The following ITPR1 variants were observed in gnomAD, a reference collection of about 807,000 sequenced individuals.
The protein encoded by ITPR1 is inositol 1,4,5-trisphosphate receptor type 1.
In ITPR1, 96 loss-of-function variants were observed where a neutral mutation model predicts 318.4. The ratio of observed to expected loss-of-function variants is 0.30; its 90% CI spans 0.26 to 0.36. The LOEUF (loss-of-function observed/expected upper bound fraction) is 0.36, where lower values mean the gene tolerates loss of function less well. Ranked by LOEUF, ITPR1 falls within the 10% of genes least tolerant of loss-of-function variation. ITPR1 has a pLI of 1.00. For synonymous variants in ITPR1, 1,312 were observed against 1,289.9 expected, an observed-to-expected ratio of 1.02 and a Z score of -0.37; for missense variants, 2,440 against 3,460.2, an observed-to-expected ratio of 0.71 and a Z score of 7.40.
intron 2 of ITPR1, among the ~76,000 whole-genome samples, chr3:4,512,476 C>G (rs1317072934): frequency 1.3e-5 from 2 of 152,106 alleles, no homozygotes; most frequent in Non-Finnish European, 2.9e-5. Context: ...GTGTAATTCG[C>G]TATTGTTCAC....
At chr3:4,762,191 C>T (rs1453581568) in intron 44 of ITPR1, among the ~76,000 whole-genome samples, 1 of 152,172 alleles carries the variant, frequency 6.6e-6, no homozygotes, top group Non-Finnish European at 1.5e-5. Context: ...TTCATTGAGA[C>T]AGAAGTCTCA....
At chr3:4,641,449 T>A (rs1419986300) in intron 6 of ITPR1, among the ~76,000 whole-genome samples, 1 of 152,210 alleles carries the variant, frequency 6.6e-6, no homozygotes, top group Non-Finnish European at 1.5e-5. Context: ...TGATTTCGGC[T>A]CACTGTAGCC....
chr3:4,520,879 A>G, intron 3 of ITPR1, 145 bp from the exon 4 acceptor site: 1 of 673,418 alleles, frequency 1.5e-6, no homozygotes, highest in Non-Finnish European at 2.7e-6. Context: ...ATGCATAGGA[A>G]GCCTCTAGTG....
chr3:4,734,754 A>G (rs905422340), intron 43 of ITPR1, among the ~76,000 whole-genome samples: 1 of 152,254 alleles, frequency 6.6e-6, no homozygotes, highest in Admixed American at 6.5e-5. Context: ...AAGGAGAGCT[A>G]AAGTGATCAT....
intron 4 of ITPR1, among the ~76,000 whole-genome samples, chr3:4,576,690 A>T (rs2125044673): frequency 6.6e-6 from 1 of 152,350 alleles, no homozygotes; most frequent in South Asian, 2.1e-4. Context: ...ATCTGTAGCT[A>T]ATGTTTTTAT....
chr3:4,705,551 T>A (rs914049614), intron 36 of ITPR1, among the ~76,000 whole-genome samples: 5 of 152,232 alleles, frequency 3.3e-5, no homozygotes, highest in African/African-American at 9.6e-5. Context: ...TCTCAGCCTT[T>A]CCTTGTTTCT....
intron 60 of ITPR1, among the ~76,000 whole-genome samples, chr3:4,827,687 GC>G: frequency 6.6e-6 from 1 of 152,146 alleles, no homozygotes; most frequent in Admixed American, 6.5e-5. Flanking sequence ...ATTCCAATAA[GC>G]AACATTCAGA....
chr3:4,759,125 C>T (rs1039059971), intron 44 of ITPR1, among the ~76,000 whole-genome samples: 8 of 152,186 alleles, frequency 5.3e-5, no homozygotes, highest in South Asian at 2.1e-4. Flanking sequence ...CTGCTGTCAC[C>T]GAGGTGGCCG....
At position 4,674,183 on chromosome 3, in the gene ITPR1, C is replaced by A. The variant is rs1259975522; in HGVS notation, c.2457-19C>A. 2.0e-6 allele frequency: 3 copies of A among 1,529,362 alleles called. No homozygotes were observed. The highest frequency in any genetic ancestry group is 2.6e-6 in the Non-Finnish European group (3 of 1,140,964). 94.7% of individuals were successfully genotyped at this position (1,529,362 alleles called of 1,614,324 possible). A position where few individuals can be genotyped will look rare whatever the true frequency, so the allele number is the denominator to read the frequency against. ...AATAACTTGAAATTTTGTTTCCTTT[C>A]TTTCTCCTTTCTTTTCAGCTATGAT... On this transcript the variant is annotated intron_variant, in intron 21 of 61. Coordinates refer to ENST00000649015, the MANE Select transcript of ITPR1 (RefSeq NM_001378452.1).
chr3:4,639,382 A>G lies in ITPR1; in HGVS notation c.280-2A>G. 6.4e-7 allele frequency: 1 copy of G among 1,561,842 alleles called. No individual in the cohort carries two copies. Among genetic ancestry groups the G allele is most frequent in the Admixed American group, 1.9e-5 (1 of 52,182 alleles). On this transcript the variant is annotated splice_acceptor_variant, in intron 5 of 61. Coordinates refer to ENST00000649015, the MANE Select transcript of ITPR1 (RefSeq NM_001378452.1). LOFTEE classifies it high-confidence loss of function. ...TGATCAATCTTTCTTCTCAATGCAC[A>G]GCACGCTGCAGACTTGGAAAAGAAG...
At chr3:4,644,314 G>A (rs963248637) in intron 8 of ITPR1, 80 bp downstream of exon 8, 3 of 923,384 alleles carry the variant, frequency 3.2e-6, no homozygotes, top group African/African-American at 3.3e-5. Flanking sequence ...TGCGTGTGCT[G>A]AGAGTGACTT....
At chr3:4,674,694 C>T (rs1009539691) in intron 22 of ITPR1, among the ~76,000 whole-genome samples, 4 of 152,144 alleles carry the variant, frequency 2.6e-5, no homozygotes, top group African/African-American at 4.8e-5. Context: ...GAGTTAACAA[C>T]GTTTCTGAGA....
At chr3:4,641,374 T>G (rs2093334718) in intron 6 of ITPR1, among the ~76,000 whole-genome samples, 1 of 152,208 alleles carries the variant, frequency 6.6e-6, no homozygotes, top group Non-Finnish European at 1.5e-5. Flanking sequence ...GGGTTGCATT[T>G]TATTTTATTT....
intron 60 of ITPR1, among the ~76,000 whole-genome samples, chr3:4,827,839 G>C (rs2050180631): frequency 6.6e-6 from 1 of 152,152 alleles, no homozygotes; most frequent in Non-Finnish European, 1.5e-5. Context: ...CCACATGGCC[G>C]ATGATCTCTT....
Position 4,768,641 on chromosome 3 carries a change from G to A in ITPR1, c.5856G>A (p.Glu1952=). 1 of 1,614,028 alleles carries A rather than the reference G, an allele frequency of 6.2e-7. No individual in the cohort carries two copies. Among genetic ancestry groups the A allele is most frequent in the East Asian group, 2.2e-5 (1 of 44,874 alleles). ...ADPDDHYQPG[E]GTQATADKAK... ...CCGACGACCACTACCAGCCTGGAGAGGGCACCCAGGCCACTGCCGACAAGG... is the reference window on the plus strand; with the variant it reads ...CCGACGACCACTACCAGCCTGGAGAAGGCACCCAGGCCACTGCCGACAAGG... The change falls in exon 46 of 62, where the codon GAG becomes GAA. Residue 1952 remains glutamate (E), a synonymous_variant. Transcript: ENST00000649015.
chr3:4,722,858 A>G (rs2042260008), intron 40 of ITPR1, among the ~76,000 whole-genome samples: 1 of 152,200 alleles, frequency 6.6e-6, no homozygotes, highest in African/African-American at 2.4e-5. Context: ...AATCCTAAAG[A>G]ATATTTGCAG....
intron 18 of ITPR1, among the ~76,000 whole-genome samples, chr3:4,668,557 T>C (rs1159954017): frequency 6.6e-6 from 1 of 151,908 alleles, no homozygotes; most frequent in Non-Finnish European, 1.5e-5. Flanking sequence ...AACCTCCGCC[T>C]CCCGGGTTCA....
At chr3:4,739,336 G>A (rs552023034) in intron 44 of ITPR1, among the ~76,000 whole-genome samples, 6 of 152,316 alleles carry the variant, frequency 3.9e-5, no homozygotes, top group Middle Eastern at 3.4e-3. Flanking sequence ...GCACCATGGA[G>A]GGTCTCAGGA....
At chr3:4,711,926 A>G in intron 39 of ITPR1, 58 bp downstream of exon 39, 1 of 759,730 alleles carries the variant, frequency 1.3e-6, no homozygotes, top group Non-Finnish European at 2.1e-6. Flanking sequence ...GAAGGGAGGG[A>G]CCTTTCAAAA....
Sources: allele counts gnomAD v4.1 joint callset (sites outside exome capture counted in the v4.1 genomes callset), GRCh38; gene constraint gnomAD v4.1.1; transcripts MANE v1.5; gene names NCBI Gene and HGNC (gene_info 2026-07-23, HGNC 2026-07-21).